The following GRM7 variants were observed in gnomAD, a reference collection of about 807,000 sequenced individuals.
The protein encoded by GRM7 is glutamate metabotropic receptor 7.
GRM7 carries 35 observed loss-of-function variants against 84.5 expected under a neutral mutation model. The ratio of observed to expected loss-of-function variants is 0.41; its 90% CI spans 0.32 to 0.55. The LOEUF (loss-of-function observed/expected upper bound fraction) is 0.55. Ranked by LOEUF, GRM7 falls within the 20% of genes least tolerant of loss-of-function variation. The pLI, the probability that GRM7 is intolerant of heterozygous loss-of-function variation, is 0.19. For synonymous variants in GRM7, 487 were observed against 455.1 expected (o/e 1.07, Z -0.89); for missense variants, 1,003 against 1,194.6 (o/e 0.84, Z 2.36).
intron 7 of GRM7, among the ~76,000 whole-genome samples, chr3:7,564,514 G>C (rs1334147034): frequency 6.6e-6 from 1 of 152,086 alleles, no homozygotes; most frequent in Non-Finnish European, 1.5e-5. Context: ...TACATCTGCA[G>C]GGTCTGAAAA....
At chr3:7,329,580 GA>G (rs1701116963) in intron 4 of GRM7, among the ~76,000 whole-genome samples, 1 of 152,026 alleles carries the variant, frequency 6.6e-6, no homozygotes, top group African/African-American at 2.4e-5. Flanking sequence ...CTGAAAGAGT[GA>G]TATGTGTACT....
chr3:7,569,090 T>C (rs1694504776), intron 7 of GRM7, among the ~76,000 whole-genome samples: 1 of 152,190 alleles, frequency 6.6e-6, no homozygotes, highest in Admixed American at 6.5e-5. Flanking sequence ...AGAACCTTTA[T>C]GTCTAGCTAA....
chr3:7,265,659 A>G (rs757997288), intron 2 of GRM7, among the ~76,000 whole-genome samples: 57 of 152,236 alleles, frequency 3.7e-4, no homozygotes, highest in Non-Finnish European at 1.9e-4. Context: ...GGTGCTGTGC[A>G]GAATGAATGT....
At chr3:7,142,542 A>G (rs140735212) in intron 1 of GRM7, among the ~76,000 whole-genome samples, 1 of 152,242 alleles carries the variant, frequency 6.6e-6, no homozygotes, top group Non-Finnish European at 1.5e-5. Flanking sequence ...AGGGTGAGGG[A>G]AACTGCTCTC....
intron 4 of GRM7, among the ~76,000 whole-genome samples, chr3:7,398,566 G>A (rs965690489): frequency 1.3e-5 from 2 of 151,878 alleles, no homozygotes; most frequent in Non-Finnish European, 2.9e-5. Context: ...AATTTTAAAG[G>A]CAATTGGAGA....
intron 4 of GRM7, among the ~76,000 whole-genome samples, chr3:7,327,983 G>A (rs1176597404): frequency 6.7e-6 from 1 of 150,132 alleles, no homozygotes; most frequent in Non-Finnish European, 1.5e-5. Flanking sequence ...ACAACACTTT[G>A]AGAGGTGATG....
intron 4 of GRM7, among the ~76,000 whole-genome samples, chr3:7,310,151 T>C (rs1211679536): frequency 6.6e-6 from 1 of 152,310 alleles, no homozygotes; most frequent in Non-Finnish European, 1.5e-5. Context: ...ACAAGGGTCA[T>C]GGACCAGCAT....
At chr3:6,916,900 T>C (rs747180968) in intron 1 of GRM7, among the ~76,000 whole-genome samples, 7 of 151,958 alleles carry the variant, frequency 4.6e-5, no homozygotes, top group Admixed American at 1.3e-4. Context: ...GGTGGCTGGG[T>C]GGGGGCAGAA....
chr3:7,298,775 C>A lies in GRM7; in HGVS notation c.828C>A (p.Asp276Glu). ...ATAGAATTATCAAACAGCTCCTGGA[C>A]ACCCCCAACTCCAGGGCCGTCGTGA... Reference protein sequence around the residue: ...DFDRIIKQLLDTPNSRAVVIF... With the variant: ...DFDRIIKQLLETPNSRAVVIF... Residue 276 changes from aspartate to glutamate, a missense_variant, in exon 3 of 10, where the codon GAC becomes GAA. This residue lies in a region of GRM7 where 910 missense variants were observed against 1,126.0 expected (regional missense o/e 0.81). Transcript: ENST00000357716. 6.2e-7 allele frequency: 1 copy of A among 1,613,400 alleles called. No homozygotes were observed.
At chr3:7,352,588 T>A (rs1450999827) in intron 4 of GRM7, among the ~76,000 whole-genome samples, 1 of 152,124 alleles carries the variant, frequency 6.6e-6, no homozygotes, top group East Asian at 1.9e-4. Context: ...AGGTGAACTC[T>A]TAGCCCCAAA....
intron 1 of GRM7, among the ~76,000 whole-genome samples, chr3:7,092,612 A>G (rs1307722813): frequency 6.6e-6 from 1 of 150,526 alleles, no homozygotes; most frequent in African/African-American, 2.4e-5. Flanking sequence ...GGGGGGGGGC[A>G]ATTTAGATTA....
intron 9 of GRM7, chr3:7,680,497 G>A (rs917978119): frequency 7.0e-6 from 4 of 570,774 alleles, no homozygotes; most frequent in Non-Finnish European, 1.2e-5. Context: ...TTGGAAAGAA[G>A]CTTTTGGAGG....
At chr3:7,358,106 C>G (rs554878566) in intron 4 of GRM7, among the ~76,000 whole-genome samples, 2 of 152,226 alleles carry the variant, frequency 1.3e-5, no homozygotes, top group Non-Finnish European at 2.9e-5. Flanking sequence ...TGACAAACAA[C>G]TTTCCTGAGG....
At chr3:7,591,970 T>A (rs1695802026) in intron 8 of GRM7, among the ~76,000 whole-genome samples, 1 of 152,176 alleles carries the variant, frequency 6.6e-6, no homozygotes, top group Non-Finnish European at 1.5e-5. Context: ...ACAAATTACT[T>A]GATCTTTCTG....
intron 2 of GRM7, among the ~76,000 whole-genome samples, chr3:7,193,555 G>C (rs1695783914): frequency 6.6e-6 from 1 of 151,932 alleles, no homozygotes; most frequent in Non-Finnish European, 1.5e-5. Flanking sequence ...GAATTAATGG[G>C]ATAATAAATA....
chr3:7,738,577 C>A (rs1702580137), intron 9 of GRM7, among the ~76,000 whole-genome samples: 1 of 152,096 alleles, frequency 6.6e-6, no homozygotes, highest in Admixed American at 6.5e-5. Context: ...AAAAACTCTT[C>A]CTGAGAAATT....
chr3:7,073,266 C>T (rs998056416), intron 1 of GRM7, among the ~76,000 whole-genome samples: 1 of 151,942 alleles, frequency 6.6e-6, no homozygotes, highest in African/African-American at 2.4e-5. Context: ...TACCTTACTT[C>T]TTATATCTCA....
intron 7 of GRM7, among the ~76,000 whole-genome samples, chr3:7,489,604 T>G (rs2124948331): frequency 6.6e-6 from 1 of 152,284 alleles, no homozygotes; most frequent in East Asian, 1.9e-4. Flanking sequence ...TTCCTGTGAT[T>G]TAGTCAGATT....
chr3:7,436,517 G>A (rs1435363523), intron 5 of GRM7, among the ~76,000 whole-genome samples: 3 of 152,112 alleles, frequency 2.0e-5, no homozygotes, highest in Admixed American at 1.3e-4. Context: ...TCATTGATTT[G>A]CAGCCTTCAT....
Sources: gnomAD v4.1 joint callset for allele counts (sites outside exome capture counted in the v4.1 genomes callset) on GRCh38, gnomAD v4.1.1 for gene constraint, gnomAD v4.1.1 regional missense constraint, MANE v1.5 for transcripts, NCBI Gene and HGNC (gene_info 2026-07-23, HGNC 2026-07-21) for gene names.